The following MRAP variants were observed in gnomAD, a reference collection of about 807,000 sequenced individuals.
The protein encoded by MRAP is melanocortin 2 receptor accessory protein.
Under a neutral mutation model 8.7 loss-of-function variants are expected in MRAP, and 8 were observed. The ratio of observed to expected loss-of-function variants is 0.92; its 90% CI spans 0.54 to 1.66. MRAP has a LOEUF of 1.66. Among genes scored for constraint, MRAP ranks in the 40% most tolerant of loss-of-function variants. MRAP has a pLI of 0.00. For missense variants in MRAP, 237 were observed against 217.1 expected (o/e 1.09, Z -0.58); for synonymous variants, 95 against 95.5 (o/e 1.00, Z 0.03).
At chr21:32,312,425 C>T (rs78918363), downstream of MRAP, 1,945 of 769,970 alleles carry the variant, frequency 2.5e-3, 21 homozygotes, top group African/African-American at 0.03. Flanking sequence ...CACTAACACC[C>T]GCCGGCTCCC....
chr21:32,308,345 C>T (rs1181069108), intron 2 of MRAP, among the ~76,000 whole-genome samples: 1 of 151,810 alleles, frequency 6.6e-6, no homozygotes, highest in African/African-American at 2.4e-5. Flanking sequence ...CCACTGCACT[C>T]CAGCCTGGGC....
chr21:32,312,949 CTAAG>C (rs1323284719), downstream of MRAP: 2 of 152,194 alleles, frequency 1.3e-5, no homozygotes, highest in Non-Finnish European at 2.9e-5. Context: ...TTCCTCCACA[CTAAG>C]TGACTGGAAA....
At chr21:32,310,792 G>A (rs748059388) in intron 2 of MRAP, among the ~76,000 whole-genome samples, 21 of 151,836 alleles carry the variant, frequency 1.4e-4, no homozygotes, top group Non-Finnish European at 2.6e-4. Context: ...GATTACAGGC[G>A]CCCACCACCA....
intron 1 of MRAP, 81 bp downstream of exon 1, chr21:32,299,158 C>A: frequency 9.5e-7 from 1 of 1,054,798 alleles, no homozygotes; most frequent in Non-Finnish European, 1.5e-6. Flanking sequence ...GCTTTCTCTG[C>A]ATTCACTTAT....
chr21:32,298,607 T>C (rs900900900), upstream of MRAP, among the ~76,000 whole-genome samples: 6 of 152,208 alleles, frequency 3.9e-5, no homozygotes, highest in Admixed American at 2.6e-4. Context: ...TCCAGCCCTA[T>C]TGGGCATCTT....
At chr21:32,302,848 A>G (rs1162258488) in intron 1 of MRAP, among the ~76,000 whole-genome samples, 1 of 152,200 alleles carries the variant, frequency 6.6e-6, no homozygotes, top group Non-Finnish European at 1.5e-5. Context: ...TTGTTCTCTG[A>G]AAAGGAGGCA....
upstream of MRAP, among the ~76,000 whole-genome samples, chr21:32,296,927 G>A (rs2032150976): frequency 6.6e-6 from 1 of 152,128 alleles, no homozygotes; most frequent in African/African-American, 2.4e-5. Flanking sequence ...ACCACACTTA[G>A]CCTATACTAA....
intron 1 of MRAP, among the ~76,000 whole-genome samples, chr21:32,299,333 C>CTTTAT (rs373473797): frequency 6.6e-6 from 1 of 152,072 alleles, no homozygotes; most frequent in Non-Finnish European, 1.5e-5. Flanking sequence ...TTATTTTTTA[C>CTTTAT]TTTATTTTAT....
intron 2 of MRAP, among the ~76,000 whole-genome samples, chr21:32,309,601 G>A (rs545077373): frequency 1.3e-5 from 2 of 149,390 alleles, no homozygotes; most frequent in Admixed American, 6.7e-5. Context: ...ACAGGCACCC[G>A]CCACGACGCA....
rs149620972 is a variant in MRAP, at chr21:32,301,164, G to A, written c.106+2087G>A. 8.9e-3 allele frequency among the ~76,000 whole-genome samples: 1,334 copies of A among 150,068 alleles called. 18 individuals carry two copies. Among genetic ancestry groups the A allele is most frequent in the African/African-American group, 0.031 (1,241 of 39,718 alleles). On this transcript the variant is annotated intron_variant, in intron 1 of 2. Coordinates refer to ENST00000303645, the MANE Select transcript of MRAP (RefSeq NM_001379228.1). ...TTTTTAGTAGAGACGTGGTTTCACC[G>A]TGTTAGCCAGGATGGTCTCGATCTC... is the stretch of plus-strand genomic sequence containing the variant.
At chr21:32,303,247 G>A (rs1601101193) in intron 1 of MRAP, among the ~76,000 whole-genome samples, 1 of 152,242 alleles carries the variant, frequency 6.6e-6, no homozygotes, top group South Asian at 2.1e-4. Context: ...GCCTCCCAAA[G>A]TGCTGGGATT....
intron 1 of MRAP, among the ~76,000 whole-genome samples, chr21:32,306,237 C>T (rs2032412174): frequency 6.6e-6 from 1 of 151,972 alleles, no homozygotes; most frequent in Admixed American, 6.6e-5. Flanking sequence ...GCGCTGCATC[C>T]CTCCCGGGGG....
chr21:32,305,605 CCT>C (rs1427225188), intron 1 of MRAP, among the ~76,000 whole-genome samples: 1 of 152,128 alleles, frequency 6.6e-6, no homozygotes, highest in Non-Finnish European at 1.5e-5. Flanking sequence ...GGTTTAGCCC[CCT>C]CTGAATCCTG....
At chr21:32,313,132 T>C (rs2032619492), downstream of MRAP, 1 of 152,232 alleles carries the variant, frequency 6.6e-6, no homozygotes, top group South Asian at 2.1e-4. Flanking sequence ...GTAGTATGTA[T>C]TGACTTGCTG....
intron 2 of MRAP, among the ~76,000 whole-genome samples, chr21:32,293,330 GC>G (rs2123486947): frequency 7.4e-6 from 1 of 135,158 alleles, no homozygotes; most frequent in East Asian, 2.7e-4. Flanking sequence ...GAACTGTAAG[GC>G]AAAAAAAAAA....
At chr21:32,312,340 T>C, downstream of MRAP, 2 of 1,224,846 alleles carry the variant, frequency 1.6e-6, no homozygotes, top group South Asian at 1.6e-5. Context: ...TACTGTGTAA[T>C]GCGTTATCAG....
chr21:32,308,086 C>T (rs1217646632), intron 2 of MRAP, among the ~76,000 whole-genome samples: 2 of 152,122 alleles, frequency 1.3e-5, no homozygotes, highest in East Asian at 1.9e-4. Context: ...AAGAACCTTA[C>T]CTTTGGCCAG....
upstream of MRAP, among the ~76,000 whole-genome samples, chr21:32,295,134 G>A (rs2032117149): frequency 6.6e-6 from 1 of 151,862 alleles, no homozygotes; most frequent in Admixed American, 6.6e-5. Flanking sequence ...TCAGAAGGAA[G>A]AATTCAACTA....
In MRAP at chr21:32,312,062, C is replaced by G; in HGVS notation, c.*66C>G. 6.2e-7 allele frequency: 1 copy of G among 1,607,244 alleles called. No homozygotes were observed. The highest frequency in any genetic ancestry group is 1.3e-5 in the African/African-American group (1 of 75,048). ...TCAAGCCAACCTGGACACATACGTT[C>G]CTCGTTCTTCTTAGAGGCCATTTGC... On this transcript the variant is annotated 3_prime_UTR_variant, in exon 3 of 3. Coordinates refer to ENST00000303645, the MANE Select transcript of MRAP (RefSeq NM_001379228.1).
Sources: gnomAD v4.1 joint callset for allele counts (sites outside exome capture counted in the v4.1 genomes callset) on GRCh38, gnomAD v4.1.1 for gene constraint, MANE v1.5 for transcripts, NCBI Gene and HGNC (gene_info 2026-07-23, HGNC 2026-07-21) for gene names.